The following NOMO1 variants were observed in gnomAD, a reference collection of about 807,000 sequenced individuals.
NOMO1 encodes the protein nodal modulator 3.
A neutral mutation model predicts 133.8 loss-of-function variants in NOMO1; 40 were observed. The ratio of observed to expected loss-of-function variants is 0.30; its 90% confidence interval spans 0.23 to 0.39. NOMO1 has a LOEUF of 0.39. Among genes scored for constraint, NOMO1 ranks in the 10% least tolerant of loss-of-function variants. The pLI is 1.00. For missense variants in NOMO1, 462 were observed against 1,419.9 expected (o/e 0.33, Z 10.84); for synonymous variants, 236 against 570.5 (o/e 0.41, Z 8.36).
intron 28 of NOMO1, among the ~76,000 whole-genome samples, chr16:14,887,067 A>C (rs1964336376): frequency 6.6e-6 from 1 of 152,038 alleles, no homozygotes; most frequent in African/African-American, 2.4e-5. Context: ...TCATGGCAGG[A>C]GATTTTGGGA....
At chr16:14,836,928 A>G (rs1323486999) in intron 1 of NOMO1, among the ~76,000 whole-genome samples, 1 of 149,900 alleles carries the variant, frequency 6.7e-6, no homozygotes, top group Non-Finnish European at 1.5e-5. Context: ...GATGGTCTCG[A>G]TCTCCTGACC....
At chr16:14,875,294 TTGTGGGGACAGGACCCGCCAAAC>T (rs1235311078) in intron 19 of NOMO1, 23 bp from the exon 20 acceptor site, 1 of 1,609,188 alleles carries the variant, frequency 6.2e-7, no homozygotes, top group Non-Finnish European at 8.5e-7. Context: ...GTCCTCTGTT[TTGTGGGGACAGGACCCGCCAAAC>T]TGAAGTATAT....
In NOMO1 at chr16:14,894,356, G is replaced by A. The variant is rs573431444; in HGVS notation, c.3445-642G>A. On this transcript the variant is annotated intron_variant, in intron 29 of 30. Transcript: ENST00000287667. ...GTCCAGCCAGGGTGTGGCACTTACC[G>A]CTTCTGTTCCTGTACCATTGGCCAA... Among the ~76,000 whole-genome samples the A allele has an allele frequency of 5.3e-5, 8 of 152,228 alleles. 1 individual carries two copies. In the South Asian group the frequency reaches 1.0e-3, roughly 20 times the overall value.
chr16:14,879,041 T>C (rs1368413051), intron 23 of NOMO1, among the ~76,000 whole-genome samples: 1 of 151,948 alleles, frequency 6.6e-6, no homozygotes, highest in Non-Finnish European at 1.5e-5. Flanking sequence ...CACGCGCTTC[T>C]TGTTTTCTGA....
intron 1 of NOMO1, among the ~76,000 whole-genome samples, chr16:14,835,883 G>C (rs2151890643): frequency 6.6e-6 from 1 of 151,952 alleles, no homozygotes; most frequent in Non-Finnish European, 1.5e-5. Context: ...TATTTACTGA[G>C]CCCTGGCACA....
intron 29 of NOMO1, among the ~76,000 whole-genome samples, chr16:14,891,577 C>T (rs1156831415): frequency 6.6e-6 from 1 of 151,658 alleles, no homozygotes; most frequent in Non-Finnish European, 1.5e-5. Flanking sequence ...ATTTAAATCT[C>T]TCTATCCATT....
In NOMO1 at chr16:14,866,497, T is replaced by C; in HGVS notation, c.1670-58T>C. 9 of 1,610,016 alleles carry C rather than the reference T, an allele frequency of 5.6e-6. No individual in the cohort carries two copies. In the South Asian group the frequency reaches 8.8e-5, roughly 16 times the overall value. ...TTCATGATCATTGTTTCTGGTGGCGTGGAGGGAGGTGGTGTGCTCCACGCC... is the reference window on the plus strand; with the variant it reads ...TTCATGATCATTGTTTCTGGTGGCGCGGAGGGAGGTGGTGTGCTCCACGCC... On this transcript the variant is annotated intron_variant, in intron 14 of 30. Coordinates refer to ENST00000287667, the MANE Select transcript of NOMO1 (RefSeq NM_014287.4).
intron 6 of NOMO1, among the ~76,000 whole-genome samples, chr16:14,849,838 C>T (rs1289928175): frequency 8.8e-5 from 13 of 147,540 alleles, no homozygotes; most frequent in Middle Eastern, 3.5e-3. Flanking sequence ...CCACCAGCCT[C>T]GGGCTCTCAA....
chr16:14,863,394 G>C (rs1450650690), intron 12 of NOMO1, among the ~76,000 whole-genome samples: 12 of 135,098 alleles, frequency 8.9e-5, no homozygotes, highest in Admixed American at 2.3e-4. Context: ...TTCCAGTCTT[G>C]ATGTTTATTA....
At chr16:14,889,361 A>G (rs1459358831) in intron 29 of NOMO1, 146 bp downstream of exon 29, 8 of 1,450,342 alleles carry the variant, frequency 5.5e-6, no homozygotes, top group Non-Finnish European at 7.5e-6. Flanking sequence ...GTAAAACCCC[A>G]ACTCTACAAA....
chr16:14,845,578 C>G (rs1963667987), intron 4 of NOMO1, among the ~76,000 whole-genome samples: 1 of 151,934 alleles, frequency 6.6e-6, no homozygotes, highest in African/African-American at 2.4e-5. Flanking sequence ...TGCCCAGCTC[C>G]CGCGATTCAG....
chr16:14,856,960 C>A (rs1367443619), intron 9 of NOMO1, among the ~76,000 whole-genome samples: 1 of 151,926 alleles, frequency 6.6e-6, no homozygotes, highest in African/African-American at 2.4e-5. Flanking sequence ...GAGTCAGTGA[C>A]CTTTTAACGA....
intron 13 of NOMO1, 87 bp from the exon 14 acceptor site, chr16:14,864,937 A>G: frequency 1.2e-6 from 2 of 1,602,920 alleles, no homozygotes; most frequent in South Asian, 2.2e-5. Context: ...CAGCAGTAGC[A>G]AGAAGCTATT....
chr16:14,886,094 C>T (rs553717250), intron 27 of NOMO1, among the ~76,000 whole-genome samples: 1 of 152,080 alleles, frequency 6.6e-6, no homozygotes, highest in Non-Finnish European at 1.5e-5. Flanking sequence ...TGCACCTTAA[C>T]CCTGCTCATG....
chr16:14,866,621 A>G lies in NOMO1; in HGVS notation c.1736A>G (p.Asp579Gly). The G allele has an allele frequency of 6.2e-7, 1 of 1,609,752 alleles. No homozygotes were observed. The highest frequency in any genetic ancestry group is 8.5e-7 in the Non-Finnish European group (1 of 1,179,712). The change falls in exon 15 of 31, where the codon GAC becomes GGC. Residue 579 changes from aspartate to glycine, a missense_variant. Transcript: ENST00000287667. ...CTGGAGGTGGAAGTGCTGGAGGATG[A>G]CATGTCTGCAGTTGAGTTCAGGCAG... ...KSLEVEVLED[D>G]MSAVEFRQTG...
At chr16:14,889,413 T>G (rs1964374968) in intron 29 of NOMO1, among the ~76,000 whole-genome samples, 198 bp downstream of exon 29, 1 of 151,970 alleles carries the variant, frequency 6.6e-6, no homozygotes, top group Non-Finnish European at 1.5e-5. Flanking sequence ...GCACCTATAG[T>G]CCCGGCTACT....
At chr16:14,835,487 G>A (rs929076364) in intron 1 of NOMO1, among the ~76,000 whole-genome samples, 50 of 149,974 alleles carry the variant, frequency 3.3e-4, no homozygotes, top group African/African-American at 1.2e-3. Flanking sequence ...GTTTCCAGGG[G>A]TTCTGGAAGG....
At chr16:14,862,957 G>A (rs1351127173) in intron 11 of NOMO1, 56 bp from the exon 12 acceptor site, 2 of 1,610,330 alleles carry the variant, frequency 1.2e-6, no homozygotes, top group East Asian at 2.2e-5. Context: ...GTCTATAAGA[G>A]CCTTTCCTGT....
At position 14,833,728 on chromosome 16, in the gene NOMO1, G is replaced by T. The variant is rs1963458949; in HGVS notation, c.-124G>T. 1.7e-6 allele frequency: 2 copies of T among 1,153,616 alleles called. No homozygotes were observed. The highest frequency in any genetic ancestry group is 2.2e-6 in the Non-Finnish European group (2 of 902,078). 71.5% of individuals were successfully genotyped at this position (1,153,616 alleles called of 1,614,324 possible). A position where few individuals can be genotyped will look rare whatever the true frequency, so the allele number is the denominator to read the frequency against. On this transcript the variant is annotated 5_prime_UTR_variant, in exon 1 of 31. Transcript: ENST00000287667. ...GAAGCGCGCGTGCGCGGCGGCTCTGGCGGCGGCGGTGGGGCGGGGCCTGGG... is the reference window on the plus strand; with the variant it reads ...GAAGCGCGCGTGCGCGGCGGCTCTGTCGGCGGCGGTGGGGCGGGGCCTGGG...
Sources: allele counts gnomAD v4.1 joint callset (sites outside exome capture counted in the v4.1 genomes callset), GRCh38; gene constraint gnomAD v4.1.1; transcripts MANE v1.5; gene names NCBI Gene and HGNC (gene_info 2026-07-23, HGNC 2026-07-21).